The following SPATA17 variants were observed in gnomAD, a reference collection of about 807,000 sequenced individuals.
The protein encoded by SPATA17 is spermatogenesis associated 17, also known as spermatogenesis-associated protein 17.
A neutral mutation model predicts 62.2 loss-of-function variants in SPATA17; 53 were observed. The observed-to-expected ratio is 0.85, with a 90% CI of 0.68 to 1.07. SPATA17 has a LOEUF of 1.07. Among genes scored for constraint, SPATA17 ranks in the 50% least tolerant of loss-of-function variants. SPATA17 has a pLI of 0.00. For missense variants in SPATA17, 466 were observed against 425.5 expected (o/e 1.10, Z -0.84); for synonymous variants, 146 against 146.8 (o/e 0.99, Z 0.04).
chr1:217,751,929 G>A (rs1053002905), intron 6 of SPATA17, among the ~76,000 whole-genome samples: 2 of 152,106 alleles, frequency 1.3e-5, no homozygotes, highest in African/African-American at 4.8e-5. Flanking sequence ...TCCCCCTTAT[G>A]TGTGACTGGG....
intron 9 of SPATA17, among the ~76,000 whole-genome samples, chr1:217,808,144 A>G (rs1369852552): frequency 1.3e-5 from 2 of 152,184 alleles, no homozygotes; most frequent in African/African-American, 2.4e-5. Context: ...GGGAAGATAC[A>G]TTCATGGAAA....
chr1:217,850,409 C>T (rs1302297744), intron 9 of SPATA17: 43 of 1,187,332 alleles, frequency 3.6e-5, no homozygotes, highest in Non-Finnish European at 5.1e-5. Context: ...AACTAACAGC[C>T]ACATCTCAGA....
At chr1:217,846,024 A>G (rs1370436056) in intron 9 of SPATA17, among the ~76,000 whole-genome samples, 3 of 152,128 alleles carry the variant, frequency 2.0e-5, no homozygotes, top group African/African-American at 7.2e-5. Flanking sequence ...TCTATGATAG[A>G]AAAGAACTTA....
chr1:217,804,276 A>G (rs1314751597), intron 9 of SPATA17, among the ~76,000 whole-genome samples: 1 of 152,212 alleles, frequency 6.6e-6, no homozygotes, highest in African/African-American at 2.4e-5. Flanking sequence ...TTGATCTTTG[A>G]CAAAGGTCCC....
chr1:217,757,822 A>C (rs547539238), intron 6 of SPATA17, among the ~76,000 whole-genome samples: 1 of 152,332 alleles, frequency 6.6e-6, no homozygotes, highest in African/African-American at 2.4e-5. Context: ...AAACAAGTGG[A>C]AGAAGACCTG....
In SPATA17 at chr1:217,649,792, A is replaced by G. The variant is rs1197956012; in HGVS notation, c.158+821A>G. Among the ~76,000 whole-genome samples the G allele has an allele frequency of 2.0e-5, 3 of 151,860 alleles. No individual in the cohort carries two copies. In the East Asian group the frequency reaches 5.8e-4, roughly 29 times the overall value. ...TCAGTGTCCCATCAATTCTTAAAAA[A>G]TATTTTCCTGGATAAGGTAGAGGAA... is the stretch of plus-strand genomic sequence containing the variant. On this transcript the variant is annotated intron_variant, in intron 2 of 10. Coordinates refer to ENST00000366933, the MANE Select transcript of SPATA17 (RefSeq NM_138796.4).
Position 217,805,404 on chromosome 1 carries a change from G to A in SPATA17, c.1005+3554G>A, listed in dbSNP as rs567462396. Among the ~76,000 whole-genome samples, 88 of 152,082 alleles carry A rather than the reference G, an allele frequency of 5.8e-4. 1 individual carries two copies. Among genetic ancestry groups the A allele is most frequent in the Admixed American group, 2.0e-4 (3 of 15,244 alleles). On this transcript the variant is annotated intron_variant, in intron 9 of 10. Coordinates refer to ENST00000366933, the MANE Select transcript of SPATA17 (RefSeq NM_138796.4). ...GGAGGTAGGGGTGAGAAATGAGAAG[G>A]GGATGTTTGTCAAAATGTACAAAGT...
At chr1:217,683,400 G>A in intron 5 of SPATA17, 39 bp downstream of exon 5, 1 of 1,314,272 alleles carries the variant, frequency 7.6e-7, no homozygotes, top group Middle Eastern at 1.8e-4. Flanking sequence ...GGAAAACTTT[G>A]GAAAGATTAC....
At chr1:217,654,554 T>C (rs1405097956) in intron 3 of SPATA17, among the ~76,000 whole-genome samples, 1 of 152,118 alleles carries the variant, frequency 6.6e-6, no homozygotes, top group Admixed American at 6.6e-5. Flanking sequence ...TTCCATATAT[T>C]CTCCACTCAC....
chr1:217,726,570 A>G (rs1381573617), intron 5 of SPATA17, among the ~76,000 whole-genome samples: 2 of 152,226 alleles, frequency 1.3e-5, no homozygotes, highest in East Asian at 3.9e-4. Flanking sequence ...TAAGGAAGAT[A>G]CAGTGTACTT....
chr1:217,842,335 G>A (rs980427475), intron 9 of SPATA17, among the ~76,000 whole-genome samples: 1 of 151,924 alleles, frequency 6.6e-6, no homozygotes, highest in Non-Finnish European at 1.5e-5. Flanking sequence ...AACAATTTGG[G>A]TAGTTTTCCC....
chr1:217,835,014 C>G (rs1313686176), intron 9 of SPATA17, among the ~76,000 whole-genome samples: 1 of 152,082 alleles, frequency 6.6e-6, no homozygotes, highest in Non-Finnish European at 1.5e-5. Context: ...ACATGCCATA[C>G]AGGTATATAG....
At chr1:217,701,339 G>C (rs543787618) in intron 5 of SPATA17, among the ~76,000 whole-genome samples, 1 of 151,410 alleles carries the variant, frequency 6.6e-6, no homozygotes, top group Non-Finnish European at 1.5e-5. Flanking sequence ...GTGTATATAT[G>C]TGTGTGTGTA....
chr1:217,730,130 T>C lies in SPATA17; in HGVS notation c.396-11845T>C, dbSNP rs541948967. Among the ~76,000 whole-genome samples the C allele has an allele frequency of 2.2e-4, 34 of 152,282 alleles. 1 individual carries two copies. The South Asian group carries it at 6.6e-3, about 30-fold the overall frequency. On this transcript the variant is annotated intron_variant, in intron 5 of 10. Transcript: ENST00000366933. The stretch of plus-strand genomic sequence containing the variant: ...ACTGCATATGCCAAGAAACAGTTTT[T>C]TCTAGCACTGATCCTGAAAGAAATT...
At chr1:217,851,922 C>G (rs1675675955) in intron 9 of SPATA17, among the ~76,000 whole-genome samples, 1 of 152,090 alleles carries the variant, frequency 6.6e-6, no homozygotes, top group Admixed American at 6.6e-5. Context: ...TTTAAATTAG[C>G]CAGCTGACTG....
intron 5 of SPATA17, among the ~76,000 whole-genome samples, chr1:217,687,071 T>C (rs935648978): frequency 2.6e-5 from 4 of 152,176 alleles, no homozygotes; most frequent in African/African-American, 9.7e-5. Context: ...TGTTCTAAAT[T>C]TTTGCTATTG....
chr1:217,639,807 A>G (rs1670017223), intron 1 of SPATA17, among the ~76,000 whole-genome samples: 1 of 151,788 alleles, frequency 6.6e-6, no homozygotes, highest in Non-Finnish European at 1.5e-5. Flanking sequence ...TCTAATATCA[A>G]TTTTTTCACC....
At position 217,669,282 on chromosome 1, in the gene SPATA17, A is replaced by G. The variant is rs1277959460; in HGVS notation, c.291+199A>G. Among the ~76,000 whole-genome samples, 8 of 152,192 alleles carry G rather than the reference A, an allele frequency of 5.3e-5. No homozygotes were observed. The South Asian group carries it at 1.7e-3, about 31-fold the overall frequency. On this transcript the variant is annotated intron_variant, in intron 4 of 10. Coordinates refer to ENST00000366933, the MANE Select transcript of SPATA17 (RefSeq NM_138796.4). ...AATTAGAGTAAAATGTAAAACATGT[A>G]ATTATAAATGCTTATGTTTTAGAAT... is the stretch of plus-strand genomic sequence containing the variant.
At chr1:217,844,731 T>C (rs142164942) in intron 9 of SPATA17, among the ~76,000 whole-genome samples, 1 of 152,274 alleles carries the variant, frequency 6.6e-6, no homozygotes, top group African/African-American at 2.4e-5. Flanking sequence ...ATACAAAATC[T>C]AGGAATGCCT....
Sources: allele counts gnomAD v4.1 joint callset (sites outside exome capture counted in the v4.1 genomes callset), GRCh38; gene constraint gnomAD v4.1.1; transcripts MANE v1.5; gene names NCBI Gene and HGNC (gene_info 2026-07-23, HGNC 2026-07-21).